The following C18orf63 variants were observed in gnomAD, a reference collection of about 807,000 sequenced individuals.
C18orf63 encodes uncharacterized protein C18orf63.
In C18orf63, 50 loss-of-function variants were observed where a neutral mutation model predicts 75.3. The ratio of observed to expected loss-of-function variants is 0.66; its 90% confidence interval spans 0.53 to 0.84. The LOEUF (loss-of-function observed/expected upper bound fraction) is 0.84, where lower values mean the gene tolerates loss of function less well. Among genes scored for constraint, C18orf63 ranks in the 40% least tolerant of loss-of-function variants. The pLI is 0.00. For missense variants in C18orf63, 732 were observed against 800.2 expected, an observed-to-expected ratio of 0.91 and a Z score of 1.03; for synonymous variants, 232 against 267.6, an observed-to-expected ratio of 0.87 and a Z score of 1.30.
At chr18:74,328,972 G>C in intron 5 of C18orf63, 23 bp from the exon 6 acceptor site, 2 of 1,339,738 alleles carry the variant, frequency 1.5e-6, no homozygotes, top group Non-Finnish European at 2.1e-6. Context: ...TAATAACATG[G>C]CATATTCTAT....
intron 2 of C18orf63, among the ~76,000 whole-genome samples, chr18:74,319,533 A>G (rs7232672): frequency 0.51 from 77,726 of 152,028 alleles, 20,509 homozygotes; most frequent in Middle Eastern, 0.59. Flanking sequence ...GAACCTTGAA[A>G]TGAAATTATT....
chr18:74,318,141 T>G, intron 2 of C18orf63, 142 bp downstream of exon 2: 1 of 503,694 alleles, frequency 2.0e-6, no homozygotes, highest in Admixed American at 3.9e-5. Context: ...CAGATTTTGT[T>G]TTGACCAGGT....
chr18:74,343,618 A>G lies in C18orf63; in HGVS notation c.894A>G (p.Lys298=). 6.5e-7 allele frequency: 1 copy of G among 1,534,864 alleles called. No individual in the cohort carries two copies. The highest frequency in any genetic ancestry group is 8.7e-7 in the Non-Finnish European group (1 of 1,145,942). Residue 298 remains lysine (K), a synonymous_variant, in exon 11 of 14, where the codon AAA becomes AAG. Coordinates refer to ENST00000579455, the MANE Select transcript of C18orf63 (RefSeq NM_001174123.2). ...LKSFLSDLKS[K]LPHICGFPIK... is the part of the protein sequence containing the mutation. Reference sequence around the variant, plus strand: ...GTTTTCTTTCAGATTTAAAATCTAAACTGCCCCATATATGTGGATTTCCCA... The same window carrying G: ...GTTTTCTTTCAGATTTAAAATCTAAGCTGCCCCATATATGTGGATTTCCCA...
At chr18:74,345,511 G>A (rs1351194674) in intron 11 of C18orf63, among the ~76,000 whole-genome samples, 1 of 151,968 alleles carries the variant, frequency 6.6e-6, no homozygotes, top group Non-Finnish European at 1.5e-5. Context: ...AGGTTGTTTT[G>A]CATTCACATT....
intron 10 of C18orf63, among the ~76,000 whole-genome samples, chr18:74,342,820 G>A (rs948602999): frequency 1.3e-5 from 2 of 151,938 alleles, no homozygotes; most frequent in African/African-American, 4.8e-5. Context: ...TTTTAAAATC[G>A]AAATATACAC....
rs932798079 is a variant in C18orf63 at position 74,356,660 on chromosome 18, T to C, written c.*213T>C. The C allele has an allele frequency of 6.6e-6, 1 of 152,028 alleles. No individual in the cohort carries two copies. The highest frequency in any genetic ancestry group is 2.4e-5 in the African/African-American group (1 of 41,374). The allele number at this position is 152,028 out of a possible 1,614,324, so 9.4% of individuals were successfully genotyped here. A position where few individuals can be genotyped will look rare whatever the true frequency, so the allele number is the denominator to read the frequency against. On this transcript the variant is annotated 3_prime_UTR_variant, in exon 14 of 14. Coordinates refer to ENST00000579455, the MANE Select transcript of C18orf63 (RefSeq NM_001174123.2). ...CTGTATTTAACTAGTCCCCTATTGA[T>C]AGACACTTCAGTTCTTCCCAACTTT...
At chr18:74,326,098 G>T (rs1984203101) in intron 4 of C18orf63, among the ~76,000 whole-genome samples, 1 of 152,154 alleles carries the variant, frequency 6.6e-6, no homozygotes, top group Non-Finnish European at 1.5e-5. Context: ...CAGCTGTTTG[G>T]GTCTGGGCCC....
chr18:74,342,319 A>G lies in C18orf63; in HGVS notation c.787A>G (p.Thr263Ala). ...NIYFKMLGER[T>A]FTYPLSCIRS... ...CTATTTCAAAATGCTCGGAGAAAGGACCTTCACATATCCTTTACACACCAA... is the reference window on the plus strand; with the variant it reads ...CTATTTCAAAATGCTCGGAGAAAGGGCCTTCACATATCCTTTACACACCAA... Residue 263 changes from threonine to alanine, a missense_variant, in exon 10 of 14, where the codon ACC (threonine) becomes GCC (alanine). By Grantham distance (58) the Thr-to-Ala change is moderately conservative. This residue lies in a region of C18orf63 where 495 missense variants were observed against 508.7 expected (regional missense o/e 0.97). Transcript: ENST00000579455. 1 of 1,520,502 alleles carries G rather than the reference A, an allele frequency of 6.6e-7. No individual in the cohort carries two copies. The highest frequency in any genetic ancestry group is 8.8e-7 in the Non-Finnish European group (1 of 1,134,286). 94.2% of individuals were successfully genotyped at this position (1,520,502 alleles called of 1,614,324 possible). A position where few individuals can be genotyped will look rare whatever the true frequency, so the allele number is the denominator to read the frequency against.
intron 7 of C18orf63, among the ~76,000 whole-genome samples, chr18:74,331,511 A>C (rs1490768758): frequency 6.6e-6 from 1 of 152,202 alleles, no homozygotes; most frequent in East Asian, 1.9e-4. Context: ...GAGGGCAGGG[A>C]AATGAATGAT....
At chr18:74,352,253 C>T (rs1418467719) in intron 11 of C18orf63, among the ~76,000 whole-genome samples, 1 of 151,682 alleles carries the variant, frequency 6.6e-6, no homozygotes, top group Non-Finnish European at 1.5e-5. Flanking sequence ...GAAGAGGAAA[C>T]AGGAAATTAC....
At position 74,343,657 on chromosome 18, in the gene C18orf63, T is replaced by C; in HGVS notation, c.933T>C (p.Ser311=). 1.3e-6 allele frequency: 2 copies of C among 1,534,132 alleles called. No homozygotes were observed. Among genetic ancestry groups the C allele is most frequent in the Non-Finnish European group, 8.7e-7 (1 of 1,145,702 alleles). Residue 311 remains serine (S), a synonymous_variant, in exon 11 of 14, where the codon AGT becomes AGC. Transcript: ENST00000579455. ...HICGFPIKMT[S]KPCYYTQELT... ...GTGGATTTCCCATAAAGATGACAAG[T>C]AAACCATGCTACTACACACAAGAAC...
At chr18:74,326,618 G>A (rs1357274792) in intron 4 of C18orf63, among the ~76,000 whole-genome samples, 1 of 152,176 alleles carries the variant, frequency 6.6e-6, no homozygotes, top group Admixed American at 6.6e-5. Flanking sequence ...CTGTACTGCA[G>A]CCTAGAAACC....
At chr18:74,348,391 A>C (rs1411461444) in intron 11 of C18orf63, among the ~76,000 whole-genome samples, 4 of 152,106 alleles carry the variant, frequency 2.6e-5, no homozygotes, top group African/African-American at 9.7e-5. Flanking sequence ...TGAAGCAAGC[A>C]AGAAATACAC....
At chr18:74,347,192 C>T (rs745798339) in intron 11 of C18orf63, among the ~76,000 whole-genome samples, 13 of 152,218 alleles carry the variant, frequency 8.5e-5, no homozygotes, top group Non-Finnish European at 1.5e-4. Context: ...TAAAACTTGT[C>T]GCAGATTCGG....
chr18:74,322,250 G>C (rs1299683545), intron 3 of C18orf63, among the ~76,000 whole-genome samples: 1 of 152,176 alleles, frequency 6.6e-6, no homozygotes, highest in Non-Finnish European at 1.5e-5. Flanking sequence ...CACGAACACT[G>C]TAGATATTCA....
At chr18:74,340,225 A>G (rs182227592) in intron 8 of C18orf63, among the ~76,000 whole-genome samples, 2 of 152,376 alleles carry the variant, frequency 1.3e-5, no homozygotes, top group Non-Finnish European at 2.9e-5. Flanking sequence ...AAAAGAAGAT[A>G]TTTAAGTGAC....
intron 13 of C18orf63, among the ~76,000 whole-genome samples, chr18:74,356,256 C>G (rs1377659206): frequency 6.6e-6 from 1 of 152,016 alleles, no homozygotes; most frequent in Non-Finnish European, 1.5e-5. Flanking sequence ...AGTAATTTCT[C>G]ATCATTCACC....
chr18:74,344,461 T>A (rs1984539399), intron 11 of C18orf63, among the ~76,000 whole-genome samples: 1 of 148,406 alleles, frequency 6.7e-6, no homozygotes, highest in South Asian at 2.1e-4. Context: ...CAAACGTCCA[T>A]GTAACTATCA....
chr18:74,318,516 C>T (rs988614212), intron 2 of C18orf63, among the ~76,000 whole-genome samples: 5 of 152,086 alleles, frequency 3.3e-5, no homozygotes, highest in Admixed American at 6.6e-5. Context: ...GAGGGCCGGG[C>T]GTGGTGGCTC....
Sources: gnomAD v4.1 joint callset for allele counts (sites outside exome capture counted in the v4.1 genomes callset) on GRCh38, gnomAD v4.1.1 for gene constraint, gnomAD v4.1.1 regional missense constraint, MANE v1.5 for transcripts, NCBI Gene and HGNC (gene_info 2026-07-23, HGNC 2026-07-21) for gene names.